Variants in RNF175 observed in about 807,000 individuals in gnomAD.
The protein encoded by RNF175 is ring finger protein 175.
RNF175 carries 38 observed loss-of-function variants against 50.0 expected under a neutral mutation model. The observed-to-expected ratio is 0.76, with a 90% CI of 0.59 to 1.00. The LOEUF is 1.00. Ranked by LOEUF, RNF175 falls within the 50% of genes least tolerant of loss-of-function variation. RNF175 has a pLI of 0.00. For synonymous variants in RNF175, 155 were observed against 146.1 expected, an observed-to-expected ratio of 1.06 and a Z score of -0.44; for missense variants, 388 against 409.6, an observed-to-expected ratio of 0.95 and a Z score of 0.46.
At chr4:153,722,964 T>C (rs1738442775) in intron 5 of RNF175, among the ~76,000 whole-genome samples, 1 of 152,218 alleles carries the variant, frequency 6.6e-6, no homozygotes, top group South Asian at 2.1e-4. Context: ...GCTACTATAC[T>C]GGACAACATA....
At position 153,715,459 on chromosome 4, in the gene RNF175, A is replaced by C. The variant is rs1560767404; in HGVS notation, c.764+70T>G. ...GCAAGATGGAGGAGATGGGGACAGG[A>C]GGAGGAGGAGGAGAAGGAGGAAAGA... is the stretch of plus-strand genomic sequence containing the variant. On this transcript the variant is annotated intron_variant, in intron 7 of 8. Transcript: ENST00000347063. 9.8e-6 allele frequency: 14 copies of C among 1,431,996 alleles called. No individual in the cohort carries two copies. In the East Asian group the frequency reaches 3.5e-4, roughly 36 times the overall value. The allele number at this position is 1,431,996 out of a possible 1,614,324, so 88.7% of individuals were successfully genotyped here.
chr4:153,730,774 A>T (rs1462975792), intron 3 of RNF175, among the ~76,000 whole-genome samples: 2 of 152,240 alleles, frequency 1.3e-5, no homozygotes, highest in Non-Finnish European at 2.9e-5. Flanking sequence ...CTAAGCCAAA[A>T]TATAAGACTA....
Position 153,759,785 on chromosome 4 carries a change from C to T in RNF175, c.66+12G>A. 6.8e-7 allele frequency: 1 copy of T among 1,474,934 alleles called. No homozygotes were observed. Among genetic ancestry groups the T allele is most frequent in the Non-Finnish European group, 8.9e-7 (1 of 1,119,396 alleles). 91.4% of individuals were successfully genotyped at this position (1,474,934 alleles called of 1,614,324 possible). A position where few individuals can be genotyped will look rare whatever the true frequency, so the allele number is the denominator to read the frequency against. On this transcript the variant is annotated intron_variant, in intron 1 of 8. Transcript: ENST00000347063. The stretch of plus-strand genomic sequence containing the variant: ...CCTGGCGTCCCCCACGCCCGCGCCC[C>T]CGCGCCAGTACCTGCTCCTGCTGCG...
chr4:153,717,683 T>C (rs1738023502), intron 6 of RNF175, among the ~76,000 whole-genome samples: 2 of 152,344 alleles, frequency 1.3e-5, no homozygotes, highest in Admixed American at 1.3e-4. Context: ...AATAACTTTA[T>C]CAACTAGAGT....
At chr4:153,722,767 C>CAA (rs3068869) in intron 5 of RNF175, among the ~76,000 whole-genome samples, 32 of 147,302 alleles carry the variant, frequency 2.2e-4, no homozygotes, top group African/African-American at 6.2e-4. Context: ...TTTAATAAGT[C>CAA]AAAAAAAAAA....
chr4:153,725,330 G>C (rs1738636205), intron 4 of RNF175, among the ~76,000 whole-genome samples: 1 of 152,146 alleles, frequency 6.6e-6, no homozygotes, highest in Non-Finnish European at 1.5e-5. Flanking sequence ...AGGGCAGCCA[G>C]ATCAAGGCGG....
intron 8 of RNF175, 78 bp from the exon 9 acceptor site, chr4:153,710,567 TAAAC>T (rs1345389599): frequency 8.2e-6 from 11 of 1,349,312 alleles, no homozygotes; most frequent in Admixed American, 7.8e-5. Context: ...GCAAATATAA[TAAAC>T]AATGTAATGA....
At chr4:153,735,598 A>G (rs1419720957) in intron 3 of RNF175, among the ~76,000 whole-genome samples, 1 of 152,214 alleles carries the variant, frequency 6.6e-6, no homozygotes, top group African/African-American at 2.4e-5. Context: ...TGTTTAATCT[A>G]TAGATCTATA....
At chr4:153,748,515 G>T in intron 3 of RNF175, 130 bp downstream of exon 3, 1 of 759,778 alleles carries the variant, frequency 1.3e-6, no homozygotes, top group Non-Finnish European at 1.9e-6. Flanking sequence ...ATTGCACTTG[G>T]TTGAGAACCA....
rs1485804913 is a variant in RNF175, at chr4:153,729,625, C to T, written c.247-1264G>A. On this transcript the variant is annotated intron_variant, in intron 3 of 8. Coordinates refer to ENST00000347063, the MANE Select transcript of RNF175 (RefSeq NM_173662.4). ...GATAGAAATGAGAAAGGCAAGACCA[C>T]AGCCATTCTTCTTTCAATGTCAGAT... 6.2e-6 allele frequency: 6 copies of T among 973,400 alleles called. No individual in the cohort carries two copies. The East Asian group carries it at 4.6e-4, about 74-fold the overall frequency. The allele number at this position is 973,400 out of a possible 1,614,324, so 60.3% of individuals were successfully genotyped here.
chr4:153,751,651 A>G (rs1007675439), intron 1 of RNF175, among the ~76,000 whole-genome samples, 176 bp from the exon 2 acceptor site: 5 of 152,224 alleles, frequency 3.3e-5, no homozygotes, highest in Non-Finnish European at 5.9e-5. Context: ...AACAACACAA[A>G]CAAAAAAAGA....
In RNF175 at chr4:153,710,508, G is replaced by T. The variant is rs1737496931; in HGVS notation, c.867-19C>A. 3 of 1,607,544 alleles carry T rather than the reference G, an allele frequency of 1.9e-6. No homozygotes were observed. Among genetic ancestry groups the T allele is most frequent in the South Asian group, 1.1e-5 (1 of 89,608 alleles). On this transcript the variant is annotated intron_variant, in intron 8 of 8. Coordinates refer to ENST00000347063, the MANE Select transcript of RNF175 (RefSeq NM_173662.4). ...CTCCCAGCTAAATCTCAGTTAAGGA[G>T]GTTGTTCTATATACAGCCAAGTAGC...
chr4:153,736,357 G>A (rs912913352), intron 3 of RNF175, among the ~76,000 whole-genome samples: 1 of 152,126 alleles, frequency 6.6e-6, no homozygotes, highest in South Asian at 2.1e-4. Context: ...TGTTGGATTT[G>A]CTCTGCTAAT....
At chr4:153,757,398 C>T (rs1361283783) in intron 1 of RNF175, among the ~76,000 whole-genome samples, 1 of 152,178 alleles carries the variant, frequency 6.6e-6, no homozygotes, top group Non-Finnish European at 1.5e-5. Context: ...ACTGCTGCCT[C>T]CAAACTGATT....
intron 7 of RNF175, chr4:153,714,106 A>G (rs1444499691): frequency 3.9e-5 from 6 of 152,254 alleles, no homozygotes; most frequent in African/African-American, 1.4e-4. Context: ...TTTAGATTAT[A>G]TATGCACACA....
intron 4 of RNF175, among the ~76,000 whole-genome samples, chr4:153,724,529 G>A (rs1411173499): frequency 1.3e-5 from 2 of 152,292 alleles, no homozygotes; most frequent in South Asian, 2.1e-4. Context: ...ACTGCATTAA[G>A]AGTCTTGCTC....
At position 153,718,959 on chromosome 4, in the gene RNF175, T is replaced by A. The variant is rs547304209; in HGVS notation, c.630+1225A>T. Among the ~76,000 whole-genome samples the A allele has an allele frequency of 3.4e-3, 522 of 152,244 alleles. 7 individuals are homozygous for A. The highest frequency in any genetic ancestry group is 0.011 in the African/African-American group (459 of 41,532). ...TACTTACACTGTTTTTTTCTTTTTT[T>A]AAAAAAATTAAATTTAATTTAAAAT... is the stretch of plus-strand genomic sequence containing the variant. On this transcript the variant is annotated intron_variant, in intron 6 of 8. Transcript: ENST00000347063.
intron 6 of RNF175, among the ~76,000 whole-genome samples, chr4:153,719,481 C>G (rs892662621): frequency 1.3e-5 from 2 of 152,122 alleles, no homozygotes; most frequent in African/African-American, 4.8e-5. Context: ...ATCCCTAGAG[C>G]CTTTAGTTTG....
At position 153,715,633 on chromosome 4, in the gene RNF175, C is replaced by T. The variant is rs867233028; in HGVS notation, c.660G>A (p.Arg220=). 1 of 1,613,992 alleles carries T rather than the reference C, an allele frequency of 6.2e-7. No homozygotes were observed. The highest frequency in any genetic ancestry group is 1.3e-5 in the African/African-American group (1 of 75,058). The change falls in exon 7 of 9, where the codon AGG becomes AGA. Residue 220 remains arginine (R), a synonymous_variant. Transcript: ENST00000347063. Reference sequence around the variant, plus strand: ...CTGCACAGATATTGTCCGATAAGCTCCTTGTAGGCAACCGGCTGACACTGT... The same window carrying T: ...CTGCACAGATATTGTCCGATAAGCTTCTTGTAGGCAACCGGCTGACACTGT... ...GFYSVSRLPT[R]SLSDNICAVC...
Sources: allele counts gnomAD v4.1 joint callset (sites outside exome capture counted in the v4.1 genomes callset), GRCh38; gene constraint gnomAD v4.1.1; transcripts MANE v1.5; gene names NCBI Gene and HGNC (gene_info 2026-07-23, HGNC 2026-07-21).